The following CHD9 variants were observed in gnomAD, a reference collection of about 807,000 sequenced individuals.
The protein encoded by CHD9 is chromodomain helicase DNA binding protein 9, also known as ATP-dependent chromatin remodeler CHD9.
CHD9 carries 77 observed loss-of-function variants against 316.1 expected under a neutral mutation model. That is an observed-to-expected ratio of 0.24 (90% CI 0.20 to 0.29). The LOEUF is 0.29. Among genes scored for constraint, CHD9 ranks in the 10% least tolerant of loss-of-function variants. CHD9 has a pLI of 1.00. For synonymous variants in CHD9, 1,129 were observed against 1,158.3 expected (o/e 0.97, Z 0.51); for missense variants, 2,763 against 3,438.1 (o/e 0.80, Z 4.91).
chr16:53,112,581 G>A (rs1161729707), intron 1 of CHD9, among the ~76,000 whole-genome samples: 1 of 152,152 alleles, frequency 6.6e-6, no homozygotes, highest in Non-Finnish European at 1.5e-5. Flanking sequence ...AGGGCACATG[G>A]TATATCCTAA....
intron 24 of CHD9, among the ~76,000 whole-genome samples, chr16:53,275,893 T>TA (rs2153020096): frequency 6.6e-6 from 1 of 152,290 alleles, no homozygotes; most frequent in South Asian, 2.1e-4. Flanking sequence ...TTTATATAGT[T>TA]ACCTCTTTTT....
At chr16:53,319,366 A>C (rs1189509796) in intron 37 of CHD9, among the ~76,000 whole-genome samples, 1 of 152,228 alleles carries the variant, frequency 6.6e-6, no homozygotes. Flanking sequence ...TCTCATAAGA[A>C]ATATTGGAAT....
chr16:53,287,835 C>G, intron 26 of CHD9, 122 bp from the exon 27 acceptor site: 1 of 753,100 alleles, frequency 1.3e-6, no homozygotes, highest in Non-Finnish European at 2.3e-6. Context: ...GCTCTTCTGG[C>G]TAGAGAAGAG....
At chr16:53,209,990 CA>C (rs2046200656) in intron 3 of CHD9, among the ~76,000 whole-genome samples, 177 bp downstream of exon 3, 1 of 151,962 alleles carries the variant, frequency 6.6e-6, no homozygotes, top group African/African-American at 2.4e-5. Context: ...CAGGATCTCC[CA>C]AATTTTATGG....
At chr16:53,296,434 ATTTTTT>A (rs35618799) in intron 29 of CHD9, among the ~76,000 whole-genome samples, 3 of 101,764 alleles carry the variant, frequency 2.9e-5, no homozygotes, top group Admixed American at 2.2e-4. Context: ...TTAAAAGTAA[ATTTTTT>A]TTTTTTTTTT....
At chr16:53,268,998 G>C (rs1797000681) in intron 22 of CHD9, among the ~76,000 whole-genome samples, 1 of 151,762 alleles carries the variant, frequency 6.6e-6, no homozygotes, top group African/African-American at 2.4e-5. Context: ...GCAGAGTCAG[G>C]GTCCTACCAT....
rs770618654 is a variant in CHD9 at position 53,324,481 on chromosome 16, A to G, written c.8280A>G (p.Gln2760=). 6.2e-7 allele frequency: 1 copy of G among 1,613,982 alleles called. No homozygotes were observed. The highest frequency in any genetic ancestry group is 8.5e-7 in the Non-Finnish European group (1 of 1,179,872). ...SEGKTERTES[Q]SSENGGENSV... is the part of the protein sequence containing the mutation. ...GAAAAACAGAAAGGACAGAGAGCCA[A>G]AGTTCAGAGAATGGTGGAGAAAACT... Residue 2760 remains glutamine (Q), a synonymous_variant, in exon 39 of 39, where the codon CAA becomes CAG. Transcript: ENST00000447540.
chr16:53,204,165 C>T (rs893047378), intron 2 of CHD9, among the ~76,000 whole-genome samples: 17 of 150,492 alleles, frequency 1.1e-4, no homozygotes, highest in Non-Finnish European at 2.1e-4. Flanking sequence ...CTTCACCACC[C>T]CAGCCTGCCA....
At chr16:53,078,552 A>G (rs946662535) in intron 1 of CHD9, among the ~76,000 whole-genome samples, 1 of 152,186 alleles carries the variant, frequency 6.6e-6, no homozygotes, top group Non-Finnish European at 1.5e-5. Context: ...GTATTCTGTT[A>G]TAGCAACATA....
At chr16:53,232,303 C>T (rs1212555171) in intron 10 of CHD9, among the ~76,000 whole-genome samples, 1 of 152,034 alleles carries the variant, frequency 6.6e-6, no homozygotes, top group Non-Finnish European at 1.5e-5. Context: ...GGGGTCTATG[C>T]CTTAGTGGTA....
intron 1 of CHD9, among the ~76,000 whole-genome samples, chr16:53,063,830 CTTTTTT>C (rs60131017): frequency 1.5e-5 from 2 of 135,450 alleles, no homozygotes; most frequent in Admixed American, 7.4e-5. Flanking sequence ...CATGCCTGGC[CTTTTTT>C]TTTTTTTTTT....
At position 53,156,435 on chromosome 16, in the gene CHD9, C is replaced by T. The variant is rs767792115; in HGVS notation, c.346C>T (p.Pro116Ser). The change falls in exon 2 of 39, where the codon CCA (proline) becomes TCA (serine). Residue 116 changes from proline (P) to serine (S), a missense_variant. Physicochemically the swap from Pro to Ser is moderately conservative, Grantham distance 74 (BLOSUM62 -1). Coordinates refer to ENST00000447540, the MANE Select transcript of CHD9 (RefSeq NM_001308319.2). Reference protein sequence around the residue: ...HPQNQPNGLFPDVSDGSPMWG... With the variant: ...HPQNQPNGLFSDVSDGSPMWG... ...CCAAAACCAACCCAATGGTTTGTTT[C>T]CAGATGTATCAGATGGCAGTCCAAT... The T allele has an allele frequency of 8.1e-6, 13 of 1,613,884 alleles. No individual in the cohort carries two copies. Among genetic ancestry groups the T allele is most frequent in the Non-Finnish European group, 8.5e-6 (10 of 1,179,894 alleles).
At chr16:53,117,150 G>A (rs1311845372) in intron 1 of CHD9, among the ~76,000 whole-genome samples, 2 of 151,962 alleles carry the variant, frequency 1.3e-5, no homozygotes, top group African/African-American at 4.8e-5. Context: ...GTGATGGGTC[G>A]ATAGGTGTAG....
chr16:53,303,447 C>T lies in CHD9; in HGVS notation c.5714-273C>T, dbSNP rs566230275. Among the ~76,000 whole-genome samples, 87 of 152,196 alleles carry T rather than the reference C, an allele frequency of 5.7e-4. 2 individuals carry two copies. The South Asian group carries it at 0.017, about 30-fold the overall frequency. ...ACTTCCAAAATAATCTTATGTTTTA[C>T]ATTAACATCCAGTATTTTATGTTAC... On this transcript the variant is annotated intron_variant, in intron 30 of 38. Coordinates refer to ENST00000447540, the MANE Select transcript of CHD9 (RefSeq NM_001308319.2).
chr16:53,190,813 A>G (rs1251297791), intron 2 of CHD9, among the ~76,000 whole-genome samples: 1 of 152,118 alleles, frequency 6.6e-6, no homozygotes, highest in Non-Finnish European at 1.5e-5. Context: ...TTAGTATAAT[A>G]TAATCTAATT....
intron 1 of CHD9, among the ~76,000 whole-genome samples, chr16:53,092,415 G>A (rs968215769): frequency 6.6e-6 from 1 of 152,144 alleles, no homozygotes; most frequent in Non-Finnish European, 1.5e-5. Context: ...TCTCTGTACT[G>A]CTACCTCTCT....
intron 1 of CHD9, among the ~76,000 whole-genome samples, chr16:53,129,666 A>C (rs928363198): frequency 3.3e-5 from 5 of 152,262 alleles, no homozygotes; most frequent in Admixed American, 1.3e-4. Context: ...TGAACGTGAA[A>C]TATCACCTGC....
chr16:53,157,370 T>G lies in CHD9; in HGVS notation c.1281T>G (p.Asn427Lys), dbSNP rs372790017. Residue 427 changes from asparagine to lysine, a missense_variant, in exon 2 of 39, where the codon AAT (asparagine) becomes AAG (lysine). By Grantham distance (94) the Asn-to-Lys change is moderately conservative (BLOSUM62 0). Transcript: ENST00000447540. ...HFDESTFGQD[N>K]SSHILDHDLD... ...ATGAGTCAACATTCGGACAAGATAA[T>G]TCAAGTCACATTTTAGATCATGACC... 6.2e-7 allele frequency: 1 copy of G among 1,613,896 alleles called. No individual in the cohort carries two copies. The highest frequency in any genetic ancestry group is 1.3e-5 in the African/African-American group (1 of 74,940).
At chr16:53,137,567 A>C (rs2039813837) in intron 1 of CHD9, among the ~76,000 whole-genome samples, 1 of 152,292 alleles carries the variant, frequency 6.6e-6, no homozygotes, top group East Asian at 1.9e-4. Context: ...CAGTTACTTC[A>C]CATTTAATTG....
Sources: allele counts gnomAD v4.1 joint callset (sites outside exome capture counted in the v4.1 genomes callset), GRCh38; gene constraint gnomAD v4.1.1; transcripts MANE v1.5; gene names NCBI Gene and HGNC (gene_info 2026-07-23, HGNC 2026-07-21).